KRT7: variants seen among roughly 807,000 people sequenced by gnomAD.
KRT7 encodes keratin 7.
Under a neutral mutation model 42.8 loss-of-function variants are expected in KRT7, and 50 were observed. The ratio of observed to expected loss-of-function variants is 1.17; its 90% CI spans 0.93 to 1.48. The LOEUF (loss-of-function observed/expected upper bound fraction) is 1.48, where lower values mean the gene tolerates loss of function less well. Among genes scored for constraint, KRT7 ranks in the 40% most tolerant of loss-of-function variants. KRT7 has a pLI of 0.00. For missense variants in KRT7, 588 were observed against 637.6 expected (o/e 0.92, Z 0.84); for synonymous variants, 268 against 266.3 (o/e 1.01, Z -0.06).
At position 52,245,499 on chromosome 12, in the gene KRT7, G is replaced by A; in HGVS notation, c.1072G>A (p.Glu358Lys). ...TGCTCGTGCCAAGCAGGAGGAGCTG[G>A]AAGCCGCCCTGCAGCGGGGCAAGCA... is the stretch of plus-strand genomic sequence containing the variant. ...KDARAKQEEL[E>K]AALQRGKQDM... is the part of the protein sequence containing the mutation. The change falls in exon 7 of 9, where the codon GAA (glutamate) becomes AAA (lysine). Residue 358 changes from glutamate (E) to lysine (K), a missense_variant. Transcript: ENST00000331817. The A allele has an allele frequency of 6.2e-7, 1 of 1,614,004 alleles. No homozygotes were observed. Among genetic ancestry groups the A allele is most frequent in the Non-Finnish European group, 8.5e-7 (1 of 1,179,874 alleles).
At chr12:52,239,654 G>A (rs1942057847) in intron 4 of KRT7, among the ~76,000 whole-genome samples, 1 of 152,120 alleles carries the variant, frequency 6.6e-6, no homozygotes, top group African/African-American at 2.4e-5. Flanking sequence ...GAGGTCAGGG[G>A]ACTCCAGGTT....
chr12:52,245,162 A>T (rs946783504), intron 6 of KRT7: 1 of 562,696 alleles, frequency 1.8e-6, no homozygotes, highest in Non-Finnish European at 3.1e-6. Flanking sequence ...CTTAGAAAAG[A>T]GGGGACTTTG....
chr12:52,253,019 TC>T (rs1942289520), downstream of KRT7, among the ~76,000 whole-genome samples: 1 of 152,192 alleles, frequency 6.6e-6, no homozygotes, highest in African/African-American at 2.4e-5. Context: ...TGGAAGCACC[TC>T]ATTCCCTCCA....
At chr12:52,233,893 C>G (rs1157914232) in intron 1 of KRT7, among the ~76,000 whole-genome samples, 2 of 152,176 alleles carry the variant, frequency 1.3e-5, no homozygotes, top group Admixed American at 6.5e-5. Flanking sequence ...TCCTGTAGGG[C>G]TGCCCTCGCT....
At position 52,245,730 on chromosome 12, in the gene KRT7, C is replaced by T. The variant is rs1012762155; in HGVS notation, c.1205+98C>T. ...TACAAGCATTTCCTGTATGCCCCTC[C>T]TCTGCAGGGCACTGGGTGTGGGGAT... On this transcript the variant is annotated intron_variant, in intron 7 of 8. Coordinates refer to ENST00000331817, the MANE Select transcript of KRT7 (RefSeq NM_005556.4). The T allele has an allele frequency of 9.7e-6, 14 of 1,448,586 alleles. No individual in the cohort carries two copies. In the African/African-American group the frequency reaches 1.8e-4, roughly 19 times the overall value. The allele number at this position is 1,448,586 out of a possible 1,614,324, so 89.7% of individuals were successfully genotyped here. A position where few individuals can be genotyped will look rare whatever the true frequency, so the allele number is the denominator to read the frequency against.
chr12:52,253,259 C>A, downstream of KRT7: 1 of 1,611,360 alleles, frequency 6.2e-7, no homozygotes, highest in South Asian at 1.1e-5. Context: ...CTGGATCATG[C>A]GGTTCAGCTC....
At position 52,241,615 on chromosome 12, in the gene KRT7, T is replaced by A; in HGVS notation, c.837T>A (p.Ala279=). 1 of 1,611,376 alleles carries A rather than the reference T, an allele frequency of 6.2e-7. No homozygotes were observed. The highest frequency in any genetic ancestry group is 8.5e-7 in the Non-Finnish European group (1 of 1,178,370). Residue 279 remains alanine (A), a synonymous_variant, in exon 5 of 9, where the codon GCT becomes GCA. Coordinates refer to ENST00000331817, the MANE Select transcript of KRT7 (RefSeq NM_005556.4). The part of the protein sequence containing the change: ...EEMAKCSRAE[A]EAWYQTKFET... Reference sequence around the variant, plus strand: ...TGGCCAAATGCAGCCGGGCTGAGGCTGAAGCCTGGTACCAGACCAAGGTGT... The same window carrying A: ...TGGCCAAATGCAGCCGGGCTGAGGCAGAAGCCTGGTACCAGACCAAGGTGT...
intron 5 of KRT7, 66 bp downstream of exon 5, chr12:52,241,702 C>T: frequency 3.5e-6 from 5 of 1,419,088 alleles, no homozygotes; most frequent in East Asian, 2.3e-5. Flanking sequence ...CCTTACTCCT[C>T]AACTTGTCTC....
Position 52,233,513 on chromosome 12 carries a change from C to T in KRT7, c.217C>T (p.Leu73=). The change falls in exon 1 of 9, where the codon CTG becomes TTG. Residue 73 remains leucine, a synonymous_variant. Coordinates refer to ENST00000331817, the MANE Select transcript of KRT7 (RefSeq NM_005556.4). ...CGAGGTCACCATTAACCAGAGCCTG[C>T]TGGCCCCGCTGCGGCTGGACGCCGA... ...IREVTINQSL[L]APLRLDADPS... The T allele has an allele frequency of 2.5e-6, 4 of 1,612,732 alleles. No individual in the cohort carries two copies. Among genetic ancestry groups the T allele is most frequent in the Non-Finnish European group, 3.4e-6 (4 of 1,179,734 alleles).
rs1298220940 is a variant in KRT7 at position 52,248,155 on chromosome 12, ACTGTCTGTCCT to A, written c.1206-18_1206-8del. The A allele has an allele frequency of 1.2e-6, 2 of 1,613,400 alleles. No individual in the cohort carries two copies. The highest frequency in any genetic ancestry group is 1.7e-6 in the Non-Finnish European group (2 of 1,179,498). On this transcript the variant is annotated splice_polypyrimidine_tract_variant and intron_variant, in intron 7 of 8. Coordinates refer to ENST00000331817, the MANE Select transcript of KRT7 (RefSeq NM_005556.4). ...CCCACGCTAGGAAAGAGCCGTCCTC[ACTGTCTGTCCT>A]CTGCCCCCAGGTTGGCTGGAGATGG... is the stretch of plus-strand genomic sequence containing the variant.
At chr12:52,253,109 T>C, downstream of KRT7, 1 of 1,074,276 alleles carries the variant, frequency 9.3e-7, no homozygotes, top group East Asian at 2.4e-5. Context: ...TGCTGGGTGT[T>C]TGCCCTTGTC....
chr12:52,242,880 C>T, intron 5 of KRT7, 132 bp from the exon 6 acceptor site: 2 of 1,049,668 alleles, frequency 1.9e-6, no homozygotes, highest in Non-Finnish European at 1.3e-6. Context: ...TGGCATCGGG[C>T]AAAGGTTGAT....
rs567867566 is a variant in KRT7 at position 52,240,396 on chromosome 12, G to A, written c.694-1076G>A. ...TGTAATCCCAGTAGTTTGGGAGGCC[G>A]AGGTGAGTGGATCACCTGATGTCAG... is the stretch of plus-strand genomic sequence containing the variant. On this transcript the variant is annotated intron_variant, in intron 4 of 8. Coordinates refer to ENST00000331817, the MANE Select transcript of KRT7 (RefSeq NM_005556.4). Among the ~76,000 whole-genome samples the A allele has an allele frequency of 5.3e-5, 8 of 152,302 alleles. No homozygotes were observed. In the East Asian group the frequency reaches 9.6e-4, roughly 18 times the overall value.
rs183355387 is a variant in KRT7, at chr12:52,245,145, A to T, written c.985-267A>T. The T allele has an allele frequency of 5.6e-5, 31 of 553,938 alleles. No homozygotes were observed. In the East Asian group the frequency reaches 9.3e-4, roughly 17 times the overall value. The allele number at this position is 553,938 out of a possible 1,614,324, so 34.3% of individuals were successfully genotyped here. ...CTCATTTCATCCTCAAAATCTCCTGATGTTCTCTTAGAAAAGAGGGGACTT... is the reference window on the plus strand; with the variant it reads ...CTCATTTCATCCTCAAAATCTCCTGTTGTTCTCTTAGAAAAGAGGGGACTT... On this transcript the variant is annotated intron_variant, in intron 6 of 8. Coordinates refer to ENST00000331817, the MANE Select transcript of KRT7 (RefSeq NM_005556.4).
intron 2 of KRT7, among the ~76,000 whole-genome samples, chr12:52,237,246 C>T (rs1487844019): frequency 6.6e-6 from 1 of 152,048 alleles, no homozygotes; most frequent in Non-Finnish European, 1.5e-5. Context: ...TTTTTTTCTC[C>T]CAGGACATGC....
At chr12:52,251,319 TGGA>T (rs1050476976), downstream of KRT7, among the ~76,000 whole-genome samples, 1 of 152,160 alleles carries the variant, frequency 6.6e-6, no homozygotes, top group African/African-American at 2.4e-5. Context: ...TGGGCCACAC[TGGA>T]AGAAGAAGAA....
chr12:52,248,768 C>A lies in KRT7; in HGVS notation c.*8C>A. On this transcript the variant is annotated 3_prime_UTR_variant, in exon 9 of 9. Coordinates refer to ENST00000331817, the MANE Select transcript of KRT7 (RefSeq NM_005556.4). ...AGGAGTGCCCGCGACTGAGCCGCCT[C>A]CCACCACTCCACTCCTCCAGCCACC... 1 of 1,540,474 alleles carries A rather than the reference C, an allele frequency of 6.5e-7. No individual in the cohort carries two copies. Among genetic ancestry groups the A allele is most frequent in the Non-Finnish European group, 8.7e-7 (1 of 1,147,128 alleles).
chr12:52,247,198 A>C (rs1942186417), intron 7 of KRT7: 1 of 152,238 alleles, frequency 6.6e-6, no homozygotes. Context: ...AAAGTCACAC[A>C]GATCACTAGA....
intron 1 of KRT7, among the ~76,000 whole-genome samples, chr12:52,234,185 A>G (rs916571350): frequency 6.7e-5 from 10 of 148,472 alleles, no homozygotes; most frequent in Non-Finnish European, 1.2e-4. Flanking sequence ...AGCCTCCCTT[A>G]GGTGGCAGGA....
Sources: gnomAD v4.1 joint callset for allele counts (sites outside exome capture counted in the v4.1 genomes callset) on GRCh38, gnomAD v4.1.1 for gene constraint, MANE v1.5 for transcripts, NCBI Gene and HGNC (gene_info 2026-07-23, HGNC 2026-07-21) for gene names.